The following PITPNM3 variants were observed in gnomAD, a reference collection of about 807,000 sequenced individuals.
PITPNM3 encodes membrane-associated phosphatidylinositol transfer protein 3.
PITPNM3 carries 26 observed loss-of-function variants against 102.0 expected under a neutral mutation model. The ratio of observed to expected loss-of-function variants is 0.25; its 90% confidence interval spans 0.19 to 0.35. The LOEUF (loss-of-function observed/expected upper bound fraction) is 0.35. Among genes scored for constraint, PITPNM3 ranks in the 10% least tolerant of loss-of-function variants. The pLI, the probability that PITPNM3 is intolerant of heterozygous loss-of-function variation, is 1.00. For synonymous variants in PITPNM3, 578 were observed against 558.6 expected (o/e 1.03, Z -0.49); for missense variants, 1,083 against 1,346.1 (o/e 0.80, Z 3.06).
At chr17:6,541,048 G>A (rs2150668933) in intron 1 of PITPNM3, among the ~76,000 whole-genome samples, 1 of 152,304 alleles carries the variant, frequency 6.6e-6, no homozygotes, top group South Asian at 2.1e-4. Context: ...AGGTGTTGGG[G>A]TGCAGGGAAC....
chr17:6,475,958 T>A (rs1180908587), intron 9 of PITPNM3, among the ~76,000 whole-genome samples: 1 of 152,206 alleles, frequency 6.6e-6, no homozygotes, highest in Non-Finnish European at 1.5e-5. Flanking sequence ...CCAAATATAA[T>A]CACCCTAATA....
chr17:6,554,252 G>A (rs1279056553), intron 1 of PITPNM3, among the ~76,000 whole-genome samples: 9 of 150,792 alleles, frequency 6.0e-5, no homozygotes, highest in Non-Finnish European at 1.0e-4. Flanking sequence ...CCCAGGAGGC[G>A]GAGGTTGCAG....
chr17:6,528,296 A>T (rs1908949318), intron 2 of PITPNM3, among the ~76,000 whole-genome samples: 1 of 151,928 alleles, frequency 6.6e-6, no homozygotes, highest in Non-Finnish European at 1.5e-5. Context: ...GTCTCATCTT[A>T]TCAGGCTGGG....
At chr17:6,476,456 A>G (rs576277570) in intron 9 of PITPNM3, among the ~76,000 whole-genome samples, 68 of 152,356 alleles carry the variant, frequency 4.5e-4, no homozygotes, top group African/African-American at 1.6e-3. Context: ...TGTCTCTTCT[A>G]GAAAGTTAAA....
At chr17:6,531,878 G>A (rs1031164725) in intron 2 of PITPNM3, among the ~76,000 whole-genome samples, 6 of 152,132 alleles carry the variant, frequency 3.9e-5, no homozygotes, top group African/African-American at 1.2e-4. Flanking sequence ...TGAGGCGGAC[G>A]GATCACCTGG....
chr17:6,481,989 T>C (rs1328322243), intron 6 of PITPNM3, among the ~76,000 whole-genome samples: 4 of 3,948 alleles, frequency 1.0e-3, no homozygotes, highest in East Asian at 9.4e-3. Flanking sequence ...ACAGAACCTC[T>C]CTCTCTCTCT....
chr17:6,545,277 G>A (rs975606205), intron 1 of PITPNM3, among the ~76,000 whole-genome samples: 3 of 152,182 alleles, frequency 2.0e-5, no homozygotes, highest in East Asian at 1.9e-4. Context: ...ATAAAAGGGC[G>A]TGTTAAATAA....
rs1054029121 is a variant in PITPNM3 at position 6,556,410 on chromosome 17, C to A, written c.-4G>T. The A allele has an allele frequency of 7.6e-7, 1 of 1,309,616 alleles. No individual in the cohort carries two copies. Among genetic ancestry groups the A allele is most frequent in the South Asian group, 2.1e-5 (1 of 47,924 alleles). The allele number at this position is 1,309,616 out of a possible 1,614,324, so 81.1% of individuals were successfully genotyped here. A position where few individuals can be genotyped will look rare whatever the true frequency, so the allele number is the denominator to read the frequency against. ...CTGCACGGCCCGCCTTGGCCATGTC[C>A]CGGGCGGCGGGCTCCGGCGGCGCTA... On this transcript the variant is annotated 5_prime_UTR_variant, in exon 1 of 20. Transcript: ENST00000262483. The surrounding 1 kb of genome is among the most constrained non-coding windows in gnomAD (Gnocchi z 5.2).
intron 5 of PITPNM3, 67 bp downstream of exon 5, chr17:6,484,149 T>C (rs189208821): frequency 1.3e-6 from 2 of 1,491,472 alleles, no homozygotes; most frequent in Non-Finnish European, 1.9e-6. Flanking sequence ...CCGCCTATGA[T>C]CCGAGGGCTC....
In PITPNM3 at chr17:6,459,516, C is replaced by G. The variant is rs1904351804; in HGVS notation, c.2491-1794G>C. 6.6e-6 allele frequency among the ~76,000 whole-genome samples: 1 copy of G among 152,050 alleles called. No individual in the cohort carries two copies. The highest frequency in any genetic ancestry group is 1.5e-5 in the Non-Finnish European group (1 of 68,020). The stretch of plus-strand genomic sequence containing the variant: ...TGTTTCCCAGTCTCCACCTGCAGCC[C>G]AGAACTACCCTAAGCCATATCAGGT... On this transcript the variant is annotated intron_variant, in intron 18 of 19. Transcript: ENST00000262483. The surrounding 1 kb of genome is among the most constrained non-coding windows in gnomAD (Gnocchi z 5.0).
At chr17:6,548,491 G>C (rs1269105064) in intron 1 of PITPNM3, among the ~76,000 whole-genome samples, 16 of 152,154 alleles carry the variant, frequency 1.1e-4, no homozygotes, top group Admixed American at 1.0e-3. Flanking sequence ...CGGGGGGCAG[G>C]AAGTAGGAGC....
rs55984944 is a variant in PITPNM3 at position 6,451,892 on chromosome 17, C to CCCCAGG, written c.*3445_*3446insCCTGGG. On this transcript the variant is annotated 3_prime_UTR_variant, in exon 20 of 20. Transcript: ENST00000262483. The stretch of plus-strand genomic sequence containing the variant: ...ACCCAAACCCCCCCCCCCCGCCCGC[C>CCCCAGG]GATGGGATTCGGTGGGAAAGTTGGT... 3.2e-5 allele frequency: 3 copies of CCCCAGG among 94,520 alleles called. No individual in the cohort carries two copies. The highest frequency in any genetic ancestry group is 2.2e-5 in the Non-Finnish European group (1 of 46,058). The allele number at this position is 94,520 out of a possible 1,614,324, so 5.9% of individuals were successfully genotyped here.
chr17:6,461,893 C>T (rs566081079), intron 17 of PITPNM3, among the ~76,000 whole-genome samples: 15 of 152,040 alleles, frequency 9.9e-5, no homozygotes, highest in Middle Eastern at 3.4e-3. Flanking sequence ...GAAAGCCTTT[C>T]GCTTTCACCA....
chr17:6,556,351 G>T lies in PITPNM3; in HGVS notation c.22+34C>A. The T allele has an allele frequency of 7.1e-7, 1 of 1,400,660 alleles. No individual in the cohort carries two copies. The highest frequency in any genetic ancestry group is 9.3e-7 in the Non-Finnish European group (1 of 1,073,674). The allele number at this position is 1,400,660 out of a possible 1,614,324, so 86.8% of individuals were successfully genotyped here. On this transcript the variant is annotated intron_variant, in intron 1 of 19. Coordinates refer to ENST00000262483, the MANE Select transcript of PITPNM3 (RefSeq NM_031220.4). This position sits in a 1 kb window ranked among gnomAD's most constrained non-coding sequence, Gnocchi z 5.2. ...CTAGACGCGCGAGTCCCTCCCCCGG[G>T]CCCCGGCCCTGCCCTCCCCGCGCCC...
intron 1 of PITPNM3, among the ~76,000 whole-genome samples, chr17:6,545,933 G>C (rs1910000061): frequency 6.6e-6 from 1 of 152,234 alleles, no homozygotes; most frequent in African/African-American, 2.4e-5. Flanking sequence ...GAAGGCTCTT[G>C]TCAGGCTCAG....
chr17:6,527,536 TG>T (rs1282883063), intron 2 of PITPNM3, among the ~76,000 whole-genome samples: 2 of 152,190 alleles, frequency 1.3e-5, no homozygotes, highest in Non-Finnish European at 2.9e-5. Flanking sequence ...CACTCACTCT[TG>T]GTTCCACTCC....
chr17:6,478,825 C>T lies in PITPNM3; in HGVS notation c.588-89G>A. 2 of 1,348,578 alleles carry T rather than the reference C, an allele frequency of 1.5e-6. No individual in the cohort carries two copies. Among genetic ancestry groups the T allele is most frequent in the East Asian group, 2.5e-5 (1 of 39,764 alleles). The allele number at this position is 1,348,578 out of a possible 1,614,324, so 83.5% of individuals were successfully genotyped here. On this transcript the variant is annotated intron_variant, in intron 6 of 19. Transcript: ENST00000262483. The surrounding 1 kb of genome is among the most constrained non-coding windows in gnomAD (Gnocchi z 4.4). ...AGGATCAGGCAGAAGAGAGCACATACTGGCCAGGAATTGGGCTCCAGGGAC... is the reference window on the plus strand; with the variant it reads ...AGGATCAGGCAGAAGAGAGCACATATTGGCCAGGAATTGGGCTCCAGGGAC...
intron 2 of PITPNM3, among the ~76,000 whole-genome samples, chr17:6,529,180 C>G (rs1909004305): frequency 6.6e-6 from 1 of 152,144 alleles, no homozygotes; most frequent in Admixed American, 6.5e-5. Context: ...TGACTCTGAC[C>G]CTGACCAAAA....
At chr17:6,508,751 C>T (rs1040018553) in intron 3 of PITPNM3, among the ~76,000 whole-genome samples, 2 of 152,266 alleles carry the variant, frequency 1.3e-5, no homozygotes, top group African/African-American at 4.8e-5. Context: ...GTGAGGCCAC[C>T]GACGGGGTCA....
Sources: allele counts gnomAD v4.1 joint callset (sites outside exome capture counted in the v4.1 genomes callset), GRCh38; gene constraint gnomAD v4.1.1; non-coding constraint Gnocchi (gnomAD v3.1); transcripts MANE v1.5; gene names NCBI Gene and HGNC (gene_info 2026-07-23, HGNC 2026-07-21).